The following BST1 variants were observed in gnomAD, a reference collection of about 807,000 sequenced individuals.
BST1 encodes ADP-ribosyl cyclase/cyclic ADP-ribose hydrolase 2.
A neutral mutation model predicts 40.6 loss-of-function variants in BST1; 49 were observed. The observed-to-expected ratio is 1.21, with a 90% CI of 0.96 to 1.53. BST1 has a LOEUF of 1.53. Among genes scored for constraint, BST1 ranks in the 40% most tolerant of loss-of-function variants. BST1 has a pLI of 0.00. For missense variants in BST1, 423 were observed against 395.9 expected, an observed-to-expected ratio of 1.07 and a Z score of -0.58; for synonymous variants, 157 against 159.3, an observed-to-expected ratio of 0.99 and a Z score of 0.11.
At chr4:15,753,415 G>C in the BST1 span, among the ~76,000 whole-genome samples, 1 of 152,188 alleles carries the variant, frequency 6.6e-6, no homozygotes, top group African/African-American at 2.4e-5. Context: ...TTATGTATGT[G>C]TGTGCTCCTG....
At chr4:15,714,022 T>C (rs527828409) in intron 4 of BST1, among the ~76,000 whole-genome samples, 1 of 152,042 alleles carries the variant, frequency 6.6e-6, no homozygotes, top group African/African-American at 2.4e-5. Flanking sequence ...ATTTTTTTTT[T>C]AATATTTTTT....
At chr4:15,706,722 G>C (rs1337664253) in intron 2 of BST1, among the ~76,000 whole-genome samples, 1 of 152,238 alleles carries the variant, frequency 6.6e-6, no homozygotes, top group Non-Finnish European at 1.5e-5. Flanking sequence ...AGTATATGCT[G>C]TCTTTTGAAC....
At chr4:15,747,655 C>T in the BST1 span, among the ~76,000 whole-genome samples, 1 of 152,158 alleles carries the variant, frequency 6.6e-6, no homozygotes, top group African/African-American at 2.4e-5. Flanking sequence ...TAAATCTTAT[C>T]TAGTTTTTAA....
intron 3 of BST1, among the ~76,000 whole-genome samples, chr4:15,709,293 C>A (rs1176208597): frequency 6.6e-6 from 1 of 152,084 alleles, no homozygotes; most frequent in Non-Finnish European, 1.5e-5. Flanking sequence ...ACAGCAATTG[C>A]AAAGGCCCTG....
At chr4:15,770,625 G>A in the BST1 span, among the ~76,000 whole-genome samples, 4 of 152,158 alleles carry the variant, frequency 2.6e-5, no homozygotes, top group Non-Finnish European at 4.4e-5. Context: ...GCTTGAGCCC[G>A]GGAGGCAGAG....
At chr4:15,773,811 AAAACAAAAACAAAC>A in the BST1 span, among the ~76,000 whole-genome samples, 5 of 151,232 alleles carry the variant, frequency 3.3e-5, no homozygotes, top group East Asian at 5.8e-4. Context: ...AAAACAAAAC[AAAACAAAAACAAAC>A]AAACAAAAAC....
rs537510399 is a variant in BST1 at position 15,704,041 on chromosome 4, G to T, written c.188+709G>T. On this transcript the variant is annotated intron_variant, in intron 1 of 8. Coordinates refer to ENST00000265016, the MANE Select transcript of BST1 (RefSeq NM_004334.3). Reference sequence around the variant, plus strand: ...AGGGGTGCGTGCATGTGTTCTAGAGGTGTGTGTGTATCTGTGTTCTAGAGG... The same window carrying T: ...AGGGGTGCGTGCATGTGTTCTAGAGTTGTGTGTGTATCTGTGTTCTAGAGG... Among the ~76,000 whole-genome samples, 491 of 147,104 alleles carry T rather than the reference G, an allele frequency of 3.3e-3. 2 individuals are homozygous for T. The highest frequency in any genetic ancestry group is 0.011 in the South Asian group (50 of 4,484).
intron 4 of BST1, among the ~76,000 whole-genome samples, chr4:15,713,384 C>T (rs1320392291): frequency 1.3e-5 from 2 of 151,750 alleles, no homozygotes; most frequent in African/African-American, 4.8e-5. Context: ...CAGGGTTTCA[C>T]CATATTGGCC....
In BST1 at chr4:15,715,761, C is replaced by G. The variant is rs190346997; in HGVS notation, c.666C>G (p.Ile222Met). 1 of 1,598,466 alleles carries G rather than the reference C, an allele frequency of 6.3e-7. No individual in the cohort carries two copies. The highest frequency in any genetic ancestry group is 8.5e-7 in the Non-Finnish European group (1 of 1,175,060). The stretch of plus-strand genomic sequence containing the variant: ...TCCAGAAGGAAAAAATTACACGAAT[C>G]GAGATCTGGGTTATGCATGAAATTG... ...PNLQKEKITR[I>M]EIWVMHEIGG... is the part of the protein sequence containing the mutation. Residue 222 changes from isoleucine to methionine, a missense_variant, in exon 6 of 9, where the codon ATC becomes ATG. Physicochemically the swap from Ile to Met is conservative, Grantham distance 10. Coordinates refer to ENST00000265016, the MANE Select transcript of BST1 (RefSeq NM_004334.3).
In BST1 at chr4:15,732,228, T is replaced by G. The variant is rs547500177; in HGVS notation, c.*383T>G. On this transcript the variant is annotated 3_prime_UTR_variant, in exon 9 of 9. Transcript: ENST00000265016. ...GGACACTGCATGCTTGTTGATTGCT[T>G]AAGACATATGTATACTATATAAATG... 65 of 617,678 alleles carry G rather than the reference T, an allele frequency of 1.1e-4. No individual in the cohort carries two copies. The African/African-American group carries it at 1.2e-3, about 11-fold the overall frequency. 38.3% of individuals were successfully genotyped at this position (617,678 alleles called of 1,614,324 possible). A position where few individuals can be genotyped will look rare whatever the true frequency, so the allele number is the denominator to read the frequency against.
At chr4:15,735,333 T>G (rs1301900042), downstream of BST1, among the ~76,000 whole-genome samples, 1 of 152,124 alleles carries the variant, frequency 6.6e-6, no homozygotes, top group Non-Finnish European at 1.5e-5. Context: ...GCAGACTCAC[T>G]CATCTTTGCA....
At chr4:15,740,202 C>T (rs1200889048), downstream of BST1, among the ~76,000 whole-genome samples, 1 of 152,110 alleles carries the variant, frequency 6.6e-6, no homozygotes, top group Non-Finnish European at 1.5e-5. Flanking sequence ...TACAGGCACA[C>T]GCCACTATGC....
At chr4:15,757,667 G>A in the BST1 span, among the ~76,000 whole-genome samples, 7 of 152,088 alleles carry the variant, frequency 4.6e-5, no homozygotes, top group African/African-American at 1.7e-4. Context: ...TAGAGAAAGA[G>A]TTTTGCTCTT....
At chr4:15,727,094 G>A (rs1346276757) in intron 8 of BST1, among the ~76,000 whole-genome samples, 1 of 152,238 alleles carries the variant, frequency 6.6e-6, no homozygotes, top group Admixed American at 6.5e-5. Context: ...TTCCTAGAAG[G>A]AAGACAGTTT....
downstream of BST1, among the ~76,000 whole-genome samples, chr4:15,739,021 A>G (rs1275553704): frequency 6.6e-6 from 1 of 152,246 alleles, no homozygotes; most frequent in Non-Finnish European, 1.5e-5. Flanking sequence ...TGCAGTTGCT[A>G]GAACTTAATT....
chr4:15,746,024 GAGTTACCTGCAT>G, the BST1 span, among the ~76,000 whole-genome samples: 1 of 152,210 alleles, frequency 6.6e-6, no homozygotes, highest in Non-Finnish European at 1.5e-5. Flanking sequence ...GCAAGATGGT[GAGTTACCTGCAT>G]AGTCAAGGTG....
At chr4:15,770,072 T>C in the BST1 span, among the ~76,000 whole-genome samples, 35 of 152,292 alleles carry the variant, frequency 2.3e-4, no homozygotes, top group East Asian at 6.6e-3. Context: ...ACTCTTGACC[T>C]CAAGTGATCC....
the BST1 span, among the ~76,000 whole-genome samples, chr4:15,765,081 T>C: frequency 4.8e-4 from 73 of 152,050 alleles, no homozygotes; most frequent in Non-Finnish European, 8.5e-4. Context: ...GGGGTTCTTA[T>C]GGGGATTGAA....
chr4:15,767,207 C>G, the BST1 span, among the ~76,000 whole-genome samples: 1 of 150,160 alleles, frequency 6.7e-6, no homozygotes, highest in East Asian at 1.9e-4. Flanking sequence ...AGACGTGGCA[C>G]ACAGAAAGCC....
Sources: allele counts gnomAD v4.1 joint callset (sites outside exome capture counted in the v4.1 genomes callset), GRCh38; gene constraint gnomAD v4.1.1; transcripts MANE v1.5; gene names NCBI Gene and HGNC (gene_info 2026-07-23, HGNC 2026-07-21).